Variants in PGM2 observed in about 807,000 individuals in gnomAD.
PGM2 encodes the protein phosphoglucomutase 2.
A neutral mutation model predicts 74.6 loss-of-function variants in PGM2; 57 were observed. The ratio of observed to expected loss-of-function variants is 0.76; its 90% CI spans 0.62 to 0.95. The LOEUF (loss-of-function observed/expected upper bound fraction) is 0.95. Ranked by LOEUF, PGM2 falls within the 40% of genes least tolerant of loss-of-function variation. PGM2 has a pLI of 0.00. For synonymous variants in PGM2, 273 were observed against 260.7 expected, an observed-to-expected ratio of 1.05 and a Z score of -0.46; for missense variants, 706 against 741.9, an observed-to-expected ratio of 0.95 and a Z score of 0.56.
rs1229535894 is a variant in PGM2 at position 37,837,524 on chromosome 4, C to G, written c.357-5C>G. 1 of 1,595,582 alleles carries G rather than the reference C, an allele frequency of 6.3e-7. No individual in the cohort carries two copies. The highest frequency in any genetic ancestry group is 2.2e-5 in the East Asian group (1 of 44,788). On this transcript the variant is annotated splice_region_variant and splice_polypyrimidine_tract_variant and intron_variant, in intron 3 of 13. Transcript: ENST00000381967. ...CTTTTCTTCCCTGTCACTCTGCATT[C>G]TCAGGTTTGCCCGACTTGCTGCAAC...
At chr4:37,829,038 C>T (rs1456155122) in intron 1 of PGM2, among the ~76,000 whole-genome samples, 1 of 152,188 alleles carries the variant, frequency 6.6e-6, no homozygotes, top group Non-Finnish European at 1.5e-5. Flanking sequence ...TGCGTGAGTG[C>T]TCATCTAAAT....
In PGM2 at chr4:37,840,179, T is replaced by C. The variant is rs746606591; in HGVS notation, c.639T>C (p.Asp213=). ...WPQAWDDSLI[D]SSPLLHNPSA... is the part of the protein sequence containing the mutation. ...AAGCTTGGGACGATTCTTTAATTGA[T>C]AGCAGTCCACTTCTCCACAATCCGA... Residue 213 remains aspartate (D), a synonymous_variant, in exon 6 of 14, where the codon GAT becomes GAC. Coordinates refer to ENST00000381967, the MANE Select transcript of PGM2 (RefSeq NM_018290.4). 10 of 1,612,650 alleles carry C rather than the reference T, an allele frequency of 6.2e-6. No homozygotes were observed. The highest frequency in any genetic ancestry group is 1.1e-5 in the South Asian group (1 of 91,058).
intron 13 of PGM2, among the ~76,000 whole-genome samples, chr4:37,859,700 T>C (rs570016617): frequency 6.7e-6 from 1 of 150,090 alleles, no homozygotes; most frequent in African/African-American, 2.5e-5. Context: ...TCCCCAAAAG[T>C]CCCCAAAATA....
Position 37,844,540 on chromosome 4 carries a change from G to GGAAAGGT in PGM2, c.898_904dup (p.Val302GlufsTer12). The stretch of plus-strand genomic sequence containing the variant: ...GTGAAATACCCGAATCCCGAAGAGG[G>GGAAAGGT]GAAAGGTGTCTTGGTAACCTAATTT... On this transcript the variant is annotated frameshift_variant, in exon 7 of 14. Coordinates refer to ENST00000381967, the MANE Select transcript of PGM2 (RefSeq NM_018290.4). LOFTEE classifies it high-confidence loss of function. 6.2e-7 allele frequency: 1 copy of GGAAAGGT among 1,606,310 alleles called. No individual in the cohort carries two copies. The highest frequency in any genetic ancestry group is 8.5e-7 in the Non-Finnish European group (1 of 1,176,216).
At chr4:37,833,298 G>A (rs1725482550) in intron 2 of PGM2, among the ~76,000 whole-genome samples, 1 of 152,210 alleles carries the variant, frequency 6.6e-6, no homozygotes, top group East Asian at 1.9e-4. Context: ...GCTCATGCCT[G>A]TAATCCGAGC....
rs371712489 is a variant in PGM2, at chr4:37,835,104, C to T, written c.356+380C>T. Among the ~76,000 whole-genome samples, 27 of 152,272 alleles carry T rather than the reference C, an allele frequency of 1.8e-4. No individual in the cohort carries two copies. In the East Asian group the frequency reaches 5.2e-3, roughly 29 times the overall value. ...GAAACATTCTCAAACCAATGGGACTCTCTTATGTAGCTGAAGGCATATGAT... is the reference window on the plus strand; with the variant it reads ...GAAACATTCTCAAACCAATGGGACTTTCTTATGTAGCTGAAGGCATATGAT... On this transcript the variant is annotated intron_variant, in intron 3 of 13. Coordinates refer to ENST00000381967, the MANE Select transcript of PGM2 (RefSeq NM_018290.4).
chr4:37,832,069 C>T (rs569157053), intron 2 of PGM2, among the ~76,000 whole-genome samples: 2 of 152,258 alleles, frequency 1.3e-5, no homozygotes, highest in Non-Finnish European at 2.9e-5. Context: ...AATTCATCTC[C>T]TCTGGGGGTA....
At chr4:37,841,913 A>C (rs1199966023) in intron 6 of PGM2, among the ~76,000 whole-genome samples, 6 of 152,220 alleles carry the variant, frequency 3.9e-5, no homozygotes. Flanking sequence ...TTGTATGTGC[A>C]TTCACAAAGT....
At position 37,848,045 on chromosome 4, in the gene PGM2, A is replaced by G. The variant is rs79865805; in HGVS notation, c.1283-477A>G. ...TTTATTTTAAGAAAGATTTTCTTTCATTTATCAAGTATTAATTGCATGTCT... is the reference window on the plus strand; with the variant it reads ...TTTATTTTAAGAAAGATTTTCTTTCGTTTATCAAGTATTAATTGCATGTCT... On this transcript the variant is annotated intron_variant, in intron 10 of 13. Coordinates refer to ENST00000381967, the MANE Select transcript of PGM2 (RefSeq NM_018290.4). Among the ~76,000 whole-genome samples, 10 of 152,242 alleles carry G rather than the reference A, an allele frequency of 6.6e-5. No homozygotes were observed. In the East Asian group the frequency reaches 1.9e-3, roughly 29 times the overall value.
chr4:37,855,870 G>T (rs1726179628), intron 13 of PGM2, 129 bp downstream of exon 13: 1 of 744,876 alleles, frequency 1.3e-6, no homozygotes. Flanking sequence ...TTCAGAACCT[G>T]CACTAATATT....
At chr4:37,841,188 G>GTGT (rs60419379) in intron 6 of PGM2, among the ~76,000 whole-genome samples, 2 of 141,248 alleles carry the variant, frequency 1.4e-5, no homozygotes, top group Non-Finnish European at 3.0e-5. Flanking sequence ...GTGTGTGTGT[G>GTGT]GTTTGTTCTG....
At chr4:37,835,775 G>A (rs987536025) in intron 3 of PGM2, among the ~76,000 whole-genome samples, 2 of 152,170 alleles carry the variant, frequency 1.3e-5, no homozygotes, top group African/African-American at 2.4e-5. Flanking sequence ...AAAATCACCC[G>A]GTGGCATCAG....
At chr4:37,840,974 A>G (rs867177173) in intron 6 of PGM2, among the ~76,000 whole-genome samples, 40 of 143,340 alleles carry the variant, frequency 2.8e-4, no homozygotes, top group African/African-American at 9.2e-4. Context: ...GTATATATAT[A>G]TATATATATG....
At chr4:37,832,269 A>G (rs964204780) in intron 2 of PGM2, among the ~76,000 whole-genome samples, 5 of 152,256 alleles carry the variant, frequency 3.3e-5, no homozygotes, top group African/African-American at 1.2e-4. Context: ...GTATATCTTT[A>G]AAATCTTAGG....
rs767380668 is a variant in PGM2, at chr4:37,847,304, T to C, written c.1282+9T>C. On this transcript the variant is annotated intron_variant, in intron 10 of 13. Coordinates refer to ENST00000381967, the MANE Select transcript of PGM2 (RefSeq NM_018290.4). Reference sequence around the variant, plus strand: ...ATTTGAAGAAGCTATTGGTAAGAAGTGATCATGAACATTAAGGAATTGGCT... The same window carrying C: ...ATTTGAAGAAGCTATTGGTAAGAAGCGATCATGAACATTAAGGAATTGGCT... 6.9e-6 allele frequency: 11 copies of C among 1,584,856 alleles called. No individual in the cohort carries two copies. The highest frequency in any genetic ancestry group is 1.1e-5 in the South Asian group (1 of 90,316).
intron 1 of PGM2, among the ~76,000 whole-genome samples, chr4:37,827,253 A>G (rs1725317456): frequency 6.6e-6 from 1 of 152,196 alleles, no homozygotes; most frequent in Non-Finnish European, 1.5e-5. Flanking sequence ...TTTGCAGAGC[A>G]GCGTTCTGGT....
intron 12 of PGM2, among the ~76,000 whole-genome samples, chr4:37,853,290 G>A (rs6531587): frequency 0.53 from 80,404 of 150,448 alleles, 22,042 homozygotes; most frequent in Non-Finnish European, 0.61. Flanking sequence ...GGTGTGTGCC[G>A]CCATGCCCAG....
intron 3 of PGM2, among the ~76,000 whole-genome samples, chr4:37,836,183 C>G (rs1416074397): frequency 1.3e-5 from 2 of 152,106 alleles, no homozygotes; most frequent in Non-Finnish European, 2.9e-5. Flanking sequence ...TTTTTTTGCC[C>G]TGGCCTTGGA....
At chr4:37,858,347 GT>G (rs891165896) in intron 13 of PGM2, among the ~76,000 whole-genome samples, 5 of 102,006 alleles carry the variant, frequency 4.9e-5, no homozygotes, top group African/African-American at 1.0e-4. Context: ...TTTGTTTTTT[GT>G]TTTTTTTTTA....
Sources: gnomAD v4.1 joint callset for allele counts (sites outside exome capture counted in the v4.1 genomes callset) on GRCh38, gnomAD v4.1.1 for gene constraint, MANE v1.5 for transcripts, NCBI Gene and HGNC (gene_info 2026-07-23, HGNC 2026-07-21) for gene names.